Variants in GPHN observed in about 807,000 individuals in gnomAD.
The protein encoded by GPHN is gephyrin.
In GPHN, 17 loss-of-function variants were observed where a neutral mutation model predicts 95.5. The observed-to-expected ratio is 0.18, with a 90% CI of 0.12 to 0.27. The LOEUF is 0.27. Among genes scored for constraint, GPHN ranks in the 10% least tolerant of loss-of-function variants. The pLI is 1.00. For missense variants in GPHN, 660 were observed against 978.1 expected (o/e 0.67, Z 4.34); for synonymous variants, 320 against 322.5 (o/e 0.99, Z 0.08).
At chr14:66,795,039 G>T (rs1467405257) in intron 3 of GPHN, among the ~76,000 whole-genome samples, 1 of 151,960 alleles carries the variant, frequency 6.6e-6, no homozygotes, top group East Asian at 1.9e-4. Context: ...CCAATAGTTT[G>T]AGTCCAGCCT....
chr14:67,579,378 C>A, the GPHN span: 2 of 1,283,436 alleles, frequency 1.6e-6, no homozygotes, highest in East Asian at 2.7e-5. Context: ...TACCCCTGGG[C>A]CTTAGGCTCA....
intron 9 of GPHN, among the ~76,000 whole-genome samples, chr14:67,007,834 G>T (rs1372717840): frequency 6.6e-6 from 1 of 152,114 alleles, no homozygotes; most frequent in African/African-American, 2.4e-5. Context: ...AATTAATGAT[G>T]AATGAAAAAG....
intron 11 of GPHN, among the ~76,000 whole-genome samples, chr14:67,071,892 A>G (rs2076326994): frequency 6.6e-6 from 1 of 152,136 alleles, no homozygotes; most frequent in Non-Finnish European, 1.5e-5. Context: ...GTAGAAAACA[A>G]TACTTAATCC....
chr14:66,874,216 C>CA (rs1210782341), intron 4 of GPHN, among the ~76,000 whole-genome samples: 1 of 152,138 alleles, frequency 6.6e-6, no homozygotes, highest in Admixed American at 6.6e-5. Flanking sequence ...TCAACATCAA[C>CA]AAAAAGGATT....
the GPHN span, among the ~76,000 whole-genome samples, chr14:67,342,659 CATTAATATA>C: frequency 1.3e-5 from 2 of 148,368 alleles, no homozygotes. Context: ...TTCTCACTAA[CATTAATATA>C]GTTAATATAT....
chr14:67,502,456 C>CTTTT, the GPHN span, among the ~76,000 whole-genome samples: 26 of 137,668 alleles, frequency 1.9e-4, no homozygotes, highest in South Asian at 4.7e-4. Flanking sequence ...AAGGTGATTT[C>CTTTT]TTTTTTTTTT....
intron 5 of GPHN, among the ~76,000 whole-genome samples, chr14:66,898,041 C>T (rs2064944251): frequency 6.6e-6 from 1 of 152,084 alleles, no homozygotes; most frequent in South Asian, 2.1e-4. Flanking sequence ...TGCCTATTGT[C>T]TGACTGTGTT....
At chr14:66,784,778 A>C (rs113529578) in intron 3 of GPHN, among the ~76,000 whole-genome samples, 1,873 of 152,328 alleles carry the variant, frequency 0.012, 17 homozygotes, top group Non-Finnish European at 0.018. Context: ...AAAAGTGTTT[A>C]AGTGATTCAC....
the GPHN span, among the ~76,000 whole-genome samples, chr14:67,283,605 T>C: frequency 6.6e-6 from 1 of 152,216 alleles, no homozygotes; most frequent in Non-Finnish European, 1.5e-5. Flanking sequence ...GGGAATTTTT[T>C]TTTATCTTCC....
chr14:67,191,325 A>G, the GPHN span, among the ~76,000 whole-genome samples: 2 of 152,258 alleles, frequency 1.3e-5, no homozygotes, highest in East Asian at 3.8e-4. Context: ...AAATCTTTCA[A>G]CTTTGCCAGA....
At chr14:67,554,842 A>G in the GPHN span, among the ~76,000 whole-genome samples, 1 of 152,214 alleles carries the variant, frequency 6.6e-6, no homozygotes, top group South Asian at 2.1e-4. Context: ...CACTTGGTGT[A>G]ATATCCAGAA....
At chr14:67,586,284 T>C in the GPHN span, 6 of 1,090,654 alleles carry the variant, frequency 5.5e-6, no homozygotes, top group Non-Finnish European at 8.2e-6. Flanking sequence ...GTTCAGCTAG[T>C]AGGTAAAGGG....
At chr14:67,251,525 C>T in the GPHN span, among the ~76,000 whole-genome samples, 2 of 152,044 alleles carry the variant, frequency 1.3e-5, no homozygotes, top group African/African-American at 4.8e-5. Flanking sequence ...AGCAACAGAA[C>T]GAGAACCTGT....
the GPHN span, among the ~76,000 whole-genome samples, chr14:67,478,414 C>G: frequency 0.09 from 13,752 of 152,304 alleles, 993 homozygotes; most frequent in African/African-American, 0.2. Context: ...TGCCACTGCT[C>G]TGGTTCACGC....
chr14:66,671,532 GTAATA>G, intron 1 of GPHN, among the ~76,000 whole-genome samples: 1 of 152,234 alleles, frequency 6.6e-6, no homozygotes, highest in African/African-American at 2.4e-5. Flanking sequence ...AATGACTATC[GTAATA>G]TAAGTTTTGC....
chr14:67,224,657 G>A, the GPHN span: 1 of 320,200 alleles, frequency 3.1e-6, no homozygotes, highest in South Asian at 2.5e-5. Flanking sequence ...CAAATTATGG[G>A]CTTATCTCTG....
chr14:66,849,124 T>G (rs1264635472), intron 4 of GPHN, among the ~76,000 whole-genome samples: 1 of 151,964 alleles, frequency 6.6e-6, no homozygotes, highest in Non-Finnish European at 1.5e-5. Flanking sequence ...TTGACTTGGA[T>G]GTAGCAAAAG....
Position 67,142,238 on chromosome 14 carries a change from G to T in GPHN, c.1749-1124G>T, listed in dbSNP as rs557092734. Among the ~76,000 whole-genome samples the T allele has an allele frequency of 4.6e-5, 7 of 152,286 alleles. No individual in the cohort carries two copies. In the South Asian group the frequency reaches 1.0e-3, roughly 23 times the overall value. On this transcript the variant is annotated intron_variant, in intron 17 of 22. Coordinates refer to ENST00000478722, the MANE Select transcript of GPHN (RefSeq NM_020806.5). ...ATACTCCTCAAAAAGTATATTTTCTGTACTGCATCAATTGAAGGGAAATAC... is the reference window on the plus strand; with the variant it reads ...ATACTCCTCAAAAAGTATATTTTCTTTACTGCATCAATTGAAGGGAAATAC...
chr14:67,610,157 C>G, the GPHN span, among the ~76,000 whole-genome samples: 5,473 of 152,176 alleles, frequency 0.036, 259 homozygotes, highest in African/African-American at 0.11. Context: ...CTGTTAAATG[C>G]CTATTCAAGG....
Sources: gnomAD v4.1 joint callset for allele counts (sites outside exome capture counted in the v4.1 genomes callset) on GRCh38, gnomAD v4.1.1 for gene constraint, MANE v1.5 for transcripts, NCBI Gene and HGNC (gene_info 2026-07-23, HGNC 2026-07-21) for gene names.